Variants in DRC8 observed in about 807,000 individuals in gnomAD.
DRC8 encodes dynein regulatory complex protein 8.
the DRC8 span, among the ~76,000 whole-genome samples, chr1:244,993,050 A>G: frequency 0.023 from 3,542 of 152,320 alleles, 145 homozygotes; most frequent in African/African-American, 0.08. Context: ...GCAACATTGC[A>G]TCTGGTATCC....
the DRC8 span, among the ~76,000 whole-genome samples, chr1:245,116,516 A>G: frequency 6.6e-6 from 1 of 152,212 alleles, no homozygotes; most frequent in Non-Finnish European, 1.5e-5. Flanking sequence ...CTGCAAGAGC[A>G]CAAAGCCCCA....
chr1:245,025,375 C>G, the DRC8 span, among the ~76,000 whole-genome samples: 1 of 152,210 alleles, frequency 6.6e-6, no homozygotes, highest in Non-Finnish European at 1.5e-5. Flanking sequence ...ATGTGTCACC[C>G]TCTTTTTATT....
chr1:245,087,366 C>T, the DRC8 span: 9 of 1,573,206 alleles, frequency 5.7e-6, no homozygotes, highest in African/African-American at 9.7e-5. Context: ...ATTAAATGTT[C>T]TAAAGATAAT....
At chr1:245,013,023 G>T in the DRC8 span, among the ~76,000 whole-genome samples, 1 of 152,112 alleles carries the variant, frequency 6.6e-6, no homozygotes, top group Non-Finnish European at 1.5e-5. Context: ...GATAATACAC[G>T]ATAAAGTGCA....
chr1:245,119,768 C>CTAAAAAT, the DRC8 span, among the ~76,000 whole-genome samples: 2 of 151,966 alleles, frequency 1.3e-5, no homozygotes, highest in Non-Finnish European at 2.9e-5. Flanking sequence ...CCCGTCTCTA[C>CTAAAAAT]TAAAAATAGA....
the DRC8 span, among the ~76,000 whole-genome samples, chr1:245,003,339 T>A: frequency 1.3e-5 from 2 of 152,226 alleles, no homozygotes; most frequent in Non-Finnish European, 2.9e-5. Flanking sequence ...GGTAATTTGA[T>A]GTGTAACTTT....
the DRC8 span, among the ~76,000 whole-genome samples, chr1:245,015,239 A>G: frequency 6.6e-6 from 1 of 152,154 alleles, no homozygotes; most frequent in Non-Finnish European, 1.5e-5. Flanking sequence ...GCCTGGGCCT[A>G]CCAAACTGCT....
chr1:244,997,525 C>CTTTTTTTTTTTTTTTTGTTTT, the DRC8 span, among the ~76,000 whole-genome samples: 1 of 126,738 alleles, frequency 7.9e-6, no homozygotes, highest in Non-Finnish European at 1.7e-5. Context: ...TTCGTGCCAT[C>CTTTTTTTTTTTTTTTTGTTTT]TTTTTTTTTT....
the DRC8 span, among the ~76,000 whole-genome samples, chr1:245,093,874 C>T: frequency 6.6e-6 from 1 of 152,072 alleles, no homozygotes; most frequent in African/African-American, 2.4e-5. Context: ...CTGGCTCCCC[C>T]CACACGCCCC....
chr1:245,042,213 G>T, the DRC8 span, among the ~76,000 whole-genome samples: 7 of 152,192 alleles, frequency 4.6e-5, no homozygotes, highest in Non-Finnish European at 1.0e-4. Context: ...TGGTTAAATT[G>T]TTTCTCAGTC....
the DRC8 span, among the ~76,000 whole-genome samples, chr1:245,113,675 A>G: frequency 1.3e-5 from 2 of 152,212 alleles, no homozygotes; most frequent in African/African-American, 4.8e-5. Context: ...CTGGAAATAT[A>G]TTAAAGTAAT....
chr1:245,018,226 C>CAA, the DRC8 span, among the ~76,000 whole-genome samples: 4,414 of 62,408 alleles, frequency 0.071, 169 homozygotes, highest in Non-Finnish European at 0.11. Flanking sequence ...GACTCTGTCT[C>CAA]AAAAAAAAAA....
chr1:245,082,213 A>G, the DRC8 span: 2 of 1,492,490 alleles, frequency 1.3e-6, no homozygotes, highest in Non-Finnish European at 1.9e-6. Flanking sequence ...AGAATTATGA[A>G]TCCATTCATT....
the DRC8 span, among the ~76,000 whole-genome samples, chr1:245,054,852 A>G: frequency 6.6e-6 from 1 of 152,128 alleles, no homozygotes; most frequent in Admixed American, 6.5e-5. Flanking sequence ...TTACTGTCTC[A>G]TGGATGTTGG....
chr1:244,970,509 A>AG, the DRC8 span: 1 of 1,504,618 alleles, frequency 6.6e-7, no homozygotes, highest in East Asian at 2.7e-5. Context: ...TGCACGGGGA[A>AG]GCGCCGGGTG....
the DRC8 span, among the ~76,000 whole-genome samples, chr1:245,100,395 G>GTAATAATAATAATAATAATAA: frequency 5.3e-4 from 79 of 149,284 alleles, no homozygotes; most frequent in African/African-American, 1.4e-3. Flanking sequence ...AAAAGTAGTA[G>GTAATAATAATAATAATAATAA]TAATAATAAT....
At chr1:245,017,372 C>A in the DRC8 span, 8 of 1,538,528 alleles carry the variant, frequency 5.2e-6, no homozygotes, top group South Asian at 1.3e-5. Context: ...ATTACTGATA[C>A]AAGTCATAAG....
chr1:244,980,650 G>T, the DRC8 span, among the ~76,000 whole-genome samples: 122 of 152,296 alleles, frequency 8.0e-4, 1 homozygote, highest in African/African-American at 2.8e-3. Context: ...GGGTAACAAA[G>T]AATAAAGAGG....
the DRC8 span, among the ~76,000 whole-genome samples, chr1:245,119,343 A>AGT: frequency 4.5e-5 from 1 of 22,284 alleles, no homozygotes; most frequent in Non-Finnish European, 1.5e-4. Context: ...GAAATTGGAG[A>AGT]GTTTTTTTTT....
Sources: gnomAD v4.1 joint callset for allele counts (sites outside exome capture counted in the v4.1 genomes callset) on GRCh38, gnomAD v4.1.1 for gene constraint, MANE v1.5 for transcripts, NCBI Gene and HGNC (gene_info 2026-07-23, HGNC 2026-07-21) for gene names.